Variants in RRAS2 observed in about 807,000 individuals in gnomAD.
RRAS2 encodes the protein ras-related protein R-Ras2.
A neutral mutation model predicts 27.6 loss-of-function variants in RRAS2; 7 were observed. That is an observed-to-expected ratio of 0.25 (90% CI 0.14 to 0.48). The LOEUF is 0.48. Ranked by LOEUF, RRAS2 falls within the 20% of genes least tolerant of loss-of-function variation. The pLI, the probability that RRAS2 is intolerant of heterozygous loss-of-function variation, is 0.99. For synonymous variants in RRAS2, 86 were observed against 90.9 expected (o/e 0.95, Z 0.31); for missense variants, 178 against 256.2 (o/e 0.69, Z 2.08).
At chr11:14,360,182 G>C (rs1279335447), upstream of RRAS2, among the ~76,000 whole-genome samples, 1 of 146,536 alleles carries the variant, frequency 6.8e-6, no homozygotes, top group East Asian at 2.0e-4. Flanking sequence ...ATGGCCAGGA[G>C]CAACATGCCA....
At chr11:14,356,952 T>A (rs1318854474) in intron 1 of RRAS2, among the ~76,000 whole-genome samples, 4 of 152,000 alleles carry the variant, frequency 2.6e-5, no homozygotes, top group Non-Finnish European at 5.9e-5. Flanking sequence ...CATGCCCGGC[T>A]AATTTTTGTA....
chr11:14,332,408 G>A (rs1312836203), intron 1 of RRAS2, among the ~76,000 whole-genome samples: 2 of 152,202 alleles, frequency 1.3e-5, no homozygotes, highest in African/African-American at 4.8e-5. Flanking sequence ...GGCTGAGGCA[G>A]GAGGCCCACT....
intron 1 of RRAS2, among the ~76,000 whole-genome samples, chr11:14,324,496 G>A (rs892545173): frequency 1.0e-4 from 15 of 150,714 alleles, no homozygotes; most frequent in Non-Finnish European, 1.8e-4. Context: ...GAATTGTCAA[G>A]GTATCAGTGC....
chr11:14,303,679 T>TC (rs372117358), intron 1 of RRAS2, among the ~76,000 whole-genome samples: 95 of 152,226 alleles, frequency 6.2e-4, no homozygotes, highest in African/African-American at 2.2e-3. Context: ...TTAAAGCTTC[T>TC]CCCCTTCCTT....
intron 1 of RRAS2, among the ~76,000 whole-genome samples, chr11:14,296,925 A>G (rs1450494623): frequency 1.3e-5 from 2 of 152,172 alleles, no homozygotes; most frequent in African/African-American, 4.8e-5. Flanking sequence ...GCTACTCAGG[A>G]GGCTGAGGTG....
Position 14,358,583 on chromosome 11 carries a change from A to C in RRAS2, c.108+180T>G. 1.0e-6 allele frequency: 1 copy of C among 985,900 alleles called. No individual in the cohort carries two copies. Among genetic ancestry groups the C allele is most frequent in the South Asian group, 4.7e-5 (1 of 21,324 alleles). 61.1% of individuals were successfully genotyped at this position (985,900 alleles called of 1,614,324 possible). On this transcript the variant is annotated intron_variant, in intron 1 of 5. Transcript: ENST00000256196. This position sits in a 1 kb window ranked among gnomAD's most constrained non-coding sequence, Gnocchi z 5.1. ...GACGCCGCGCCCGGGAGGAGGCAGG[A>C]GCGCGACGCTGCGGCCGCAGGGCAG...
At chr11:14,291,906 T>C (rs533138369) in intron 4 of RRAS2, among the ~76,000 whole-genome samples, 2 of 152,304 alleles carry the variant, frequency 1.3e-5, no homozygotes, top group Admixed American at 1.3e-4. Flanking sequence ...TGCATATACA[T>C]AATGATGTTT....
At chr11:14,339,729 G>C (rs1848661149) in intron 1 of RRAS2, among the ~76,000 whole-genome samples, 1 of 152,102 alleles carries the variant, frequency 6.6e-6, no homozygotes, top group Non-Finnish European at 1.5e-5. Flanking sequence ...TTTTTAAAAA[G>C]TTAAATAATT....
In RRAS2 at chr11:14,359,108, C is replaced by CG. The variant is rs1274942410; in HGVS notation, c.-239dup. The CG allele has an allele frequency of 4.7e-5, 49 of 1,052,440 alleles. No homozygotes were observed. Among genetic ancestry groups the CG allele is most frequent in the Admixed American group, 5.5e-5 (1 of 18,160 alleles). The allele number at this position is 1,052,440 out of a possible 1,614,324, so 65.2% of individuals were successfully genotyped here. ...GGCACGGGCCAGGGGCGGCAGCGGC[C>CG]GGGGGGCGCGCTCCTCTACGCGTCT... On this transcript the variant is annotated 5_prime_UTR_variant, in exon 1 of 6. Transcript: ENST00000256196.
chr11:14,296,379 A>C (rs1847551442), intron 1 of RRAS2, among the ~76,000 whole-genome samples: 1 of 152,192 alleles, frequency 6.6e-6, no homozygotes, highest in Non-Finnish European at 1.5e-5. Flanking sequence ...CGTGAAGAAA[A>C]GGTACTAGGT....
At position 14,309,944 on chromosome 11, in the gene RRAS2, AG is replaced by A. The variant is rs1847922016; in HGVS notation, c.109-14090del. Among the ~76,000 whole-genome samples the A allele has an allele frequency of 2.6e-5, 4 of 152,238 alleles. No individual in the cohort carries two copies. In the South Asian group the frequency reaches 8.3e-4, roughly 32 times the overall value. On this transcript the variant is annotated intron_variant, in intron 1 of 5. Coordinates refer to ENST00000256196, the MANE Select transcript of RRAS2 (RefSeq NM_012250.6). ...GGCTGCAGTCAGAAGACTGGATTAT[AG>A]GTCAAGGGTGAAATCAGAGACTACT...
upstream of RRAS2, among the ~76,000 whole-genome samples, chr11:14,362,409 C>T (rs1415968571): frequency 6.8e-6 from 1 of 146,628 alleles, no homozygotes; most frequent in Non-Finnish European, 1.5e-5. Context: ...TCAACCCCGC[C>T]CAGACTTTCT....
At chr11:14,328,996 T>TGG (rs1848426920) in intron 1 of RRAS2, among the ~76,000 whole-genome samples, 1 of 54,144 alleles carries the variant, frequency 1.8e-5, no homozygotes. Context: ...TGTGTGTGTG[T>TGG]GTGTGTGTGT....
intron 1 of RRAS2, among the ~76,000 whole-genome samples, chr11:14,345,271 C>T (rs1313363621): frequency 3.3e-5 from 5 of 152,090 alleles, no homozygotes; most frequent in Non-Finnish European, 7.4e-5. Context: ...CAGGAGTGAG[C>T]CACCGCACCT....
intron 1 of RRAS2, among the ~76,000 whole-genome samples, chr11:14,320,120 C>CA (rs1237192976): frequency 1.3e-5 from 2 of 151,900 alleles, no homozygotes; most frequent in Non-Finnish European, 2.9e-5. Context: ...CCGCACCCCA[C>CA]AAAAAAAGCC....
chr11:14,301,119 TAG>T (rs1847690545), intron 1 of RRAS2, among the ~76,000 whole-genome samples: 1 of 151,952 alleles, frequency 6.6e-6, no homozygotes, highest in African/African-American at 2.4e-5. Flanking sequence ...CCATAGGGTA[TAG>T]AAAGGGGAAG....
intron 1 of RRAS2, among the ~76,000 whole-genome samples, chr11:14,338,704 A>C (rs1848637850): frequency 6.6e-6 from 1 of 152,186 alleles, no homozygotes; most frequent in African/African-American, 2.4e-5. Flanking sequence ...AAATGGCTCC[A>C]AATCCTAATT....
intron 4 of RRAS2, among the ~76,000 whole-genome samples, chr11:14,291,234 T>C (rs1467010466): frequency 6.6e-6 from 1 of 152,082 alleles, no homozygotes; most frequent in Non-Finnish European, 1.5e-5. Flanking sequence ...TGAGAAAGTA[T>C]GTAAAAATTA....
chr11:14,344,320 T>C (rs1554953792), intron 1 of RRAS2, among the ~76,000 whole-genome samples: 2 of 152,174 alleles, frequency 1.3e-5, no homozygotes, highest in African/African-American at 4.8e-5. Context: ...TTTCCACTTT[T>C]TTATTCCAAA....
Sources: gnomAD v4.1 joint callset for allele counts (sites outside exome capture counted in the v4.1 genomes callset) on GRCh38, gnomAD v4.1.1 for gene constraint, Gnocchi (gnomAD v3.1) non-coding constraint, MANE v1.5 for transcripts, NCBI Gene and HGNC (gene_info 2026-07-23, HGNC 2026-07-21) for gene names.